UBE3D: variants seen among roughly 807,000 people sequenced by gnomAD.
The protein encoded by UBE3D is E3 ubiquitin-protein ligase E3D.
UBE3D carries 48 observed loss-of-function variants against 49.6 expected under a neutral mutation model. The ratio of observed to expected loss-of-function variants is 0.97; its 90% CI spans 0.77 to 1.23. UBE3D has a LOEUF of 1.23. Among genes scored for constraint, UBE3D ranks in the 50% most tolerant of loss-of-function variants. The pLI, the probability that UBE3D is intolerant of heterozygous loss-of-function variation, is 0.00. For missense variants in UBE3D, 452 were observed against 468.4 expected (o/e 0.96, Z 0.32); for synonymous variants, 189 against 174.2 (o/e 1.08, Z -0.67).
At chr6:82,957,247 A>T in intron 9 of UBE3D, 65 bp downstream of exon 9, 1 of 1,551,956 alleles carries the variant, frequency 6.4e-7, no homozygotes, top group Non-Finnish European at 8.8e-7. Flanking sequence ...GAAAGAGAGG[A>T]TCCTTAAAAA....
At chr6:83,029,134 T>C (rs1304469095) in intron 5 of UBE3D, among the ~76,000 whole-genome samples, 1 of 152,212 alleles carries the variant, frequency 6.6e-6, no homozygotes, top group African/African-American at 2.4e-5. Context: ...TTCTTAGATC[T>C]GAAAGCCAAT....
intron 3 of UBE3D, among the ~76,000 whole-genome samples, chr6:83,047,264 T>G (rs1261380336): frequency 1.3e-5 from 2 of 152,180 alleles, no homozygotes; most frequent in African/African-American, 4.8e-5. Context: ...CAACACTGCT[T>G]ACGGTAAAAA....
chr6:82,939,771 T>G (rs1447492155), intron 9 of UBE3D, among the ~76,000 whole-genome samples: 1 of 152,196 alleles, frequency 6.6e-6, no homozygotes, highest in Non-Finnish European at 1.5e-5. Context: ...TTTCTCAGAA[T>G]GTATCTCTAT....
intron 5 of UBE3D, among the ~76,000 whole-genome samples, chr6:83,031,016 C>CA (rs1554207683): frequency 6.6e-6 from 1 of 150,782 alleles, no homozygotes; most frequent in Non-Finnish European, 1.5e-5. Context: ...AAATTTCTTC[C>CA]TTTTTTTTTG....
At chr6:82,955,104 C>T (rs1259055756) in intron 9 of UBE3D, among the ~76,000 whole-genome samples, 3 of 152,210 alleles carry the variant, frequency 2.0e-5, no homozygotes, top group Non-Finnish European at 4.4e-5. Flanking sequence ...TAAGACCACA[C>T]TAATGCCGCC....
At chr6:82,951,958 T>C (rs1275326043) in intron 9 of UBE3D, among the ~76,000 whole-genome samples, 1 of 152,114 alleles carries the variant, frequency 6.6e-6, no homozygotes, top group Non-Finnish European at 1.5e-5. Context: ...TGTCTCCCCA[T>C]TTGTATTCTG....
rs562027866 is a variant in UBE3D, at chr6:82,950,998, G to C, written c.1149+6314C>G. Among the ~76,000 whole-genome samples the C allele has an allele frequency of 4.8e-4, 71 of 147,790 alleles. 4 individuals are homozygous for C. In the South Asian group the frequency reaches 0.015, roughly 31 times the overall value. Reference sequence around the variant, plus strand: ...ATGAGGGAAGTGGGGATGACTAATGGATAAAAAAAAAAAAAGAAAGAATAA... The same window carrying C: ...ATGAGGGAAGTGGGGATGACTAATGCATAAAAAAAAAAAAAGAAAGAATAA... On this transcript the variant is annotated intron_variant, in intron 9 of 9. Transcript: ENST00000369747.
intron 8 of UBE3D, among the ~76,000 whole-genome samples, chr6:83,013,978 T>C (rs1008859310): frequency 6.6e-6 from 1 of 152,236 alleles, no homozygotes; most frequent in Non-Finnish European, 1.5e-5. Context: ...TAAAGGTATA[T>C]TGCTGGCCTT....
intron 9 of UBE3D, 107 bp downstream of exon 9, chr6:82,957,205 G>T (rs1267643744): frequency 2.7e-5 from 31 of 1,157,696 alleles, no homozygotes; most frequent in Non-Finnish European, 3.7e-5. Context: ...GTTATGATTT[G>T]AAACTAGGGA....
At chr6:82,954,937 A>C (rs1471435318) in intron 9 of UBE3D, among the ~76,000 whole-genome samples, 2 of 152,214 alleles carry the variant, frequency 1.3e-5, no homozygotes, top group Admixed American at 6.5e-5. Flanking sequence ...GATTCTGTCA[A>C]GTTTCTCTGT....
intron 2 of UBE3D, 51 bp from the exon 3 acceptor site, chr6:83,054,289 T>C (rs773170076): frequency 1.2e-5 from 16 of 1,390,522 alleles, no homozygotes; most frequent in Non-Finnish European, 1.0e-6. Context: ...ACAAATATAT[T>C]AACATACTTA....
At chr6:83,011,737 G>A (rs921734282) in intron 8 of UBE3D, among the ~76,000 whole-genome samples, 3 of 152,070 alleles carry the variant, frequency 2.0e-5, no homozygotes, top group Admixed American at 6.5e-5. Context: ...TTGTCTCCTC[G>A]TGGCAGCGTT....
chr6:83,014,642 G>A (rs1287618015), intron 8 of UBE3D, among the ~76,000 whole-genome samples: 2 of 152,198 alleles, frequency 1.3e-5, no homozygotes, highest in Non-Finnish European at 2.9e-5. Flanking sequence ...GTGTCCAGTA[G>A]TCTCTGAAAT....
chr6:83,035,954 T>C (rs182682928), intron 5 of UBE3D: 3 of 152,070 alleles, frequency 2.0e-5, no homozygotes, highest in Admixed American at 6.6e-5. Context: ...ATTACAGGGA[T>C]AGACAAGATA....
chr6:83,052,970 T>C (rs566422434), intron 3 of UBE3D, among the ~76,000 whole-genome samples: 2 of 152,200 alleles, frequency 1.3e-5, no homozygotes, highest in East Asian at 1.9e-4. Flanking sequence ...AGTGGACTTA[T>C]GTAAGACATG....
At chr6:83,030,947 C>T (rs944985273) in intron 5 of UBE3D, among the ~76,000 whole-genome samples, 12 of 152,072 alleles carry the variant, frequency 7.9e-5, no homozygotes, top group Non-Finnish European at 1.6e-4. Context: ...TTTGTCCCTG[C>T]CCTAGATATC....
At chr6:82,887,434 C>T (rs159042), downstream of UBE3D, among the ~76,000 whole-genome samples, 49,724 of 126,062 alleles carry the variant, frequency 0.39, 11,866 homozygotes, top group African/African-American at 0.69. Context: ...GTGGGCTGGG[C>T]GCGGTGGCTC....
chr6:83,006,743 G>A (rs1180259868), intron 8 of UBE3D, among the ~76,000 whole-genome samples: 1 of 152,144 alleles, frequency 6.6e-6, no homozygotes, highest in African/African-American at 2.4e-5. Context: ...GTAGAATGGT[G>A]GTTACCAGAG....
intron 5 of UBE3D, among the ~76,000 whole-genome samples, chr6:83,031,563 T>G (rs1003137968): frequency 6.6e-6 from 1 of 152,134 alleles, no homozygotes; most frequent in Non-Finnish European, 1.5e-5. Flanking sequence ...GCTTTAAGAT[T>G]TGACTGCTTT....
Sources: gnomAD v4.1 joint callset for allele counts (sites outside exome capture counted in the v4.1 genomes callset) on GRCh38, gnomAD v4.1.1 for gene constraint, MANE v1.5 for transcripts, NCBI Gene and HGNC (gene_info 2026-07-23, HGNC 2026-07-21) for gene names.